RHOBTB3: variants seen among roughly 807,000 people sequenced by gnomAD.
RHOBTB3 encodes the protein rho-related BTB domain-containing protein 3.
In RHOBTB3, 47 loss-of-function variants were observed where a neutral mutation model predicts 67.2. That is an observed-to-expected ratio of 0.70 (90% confidence interval 0.55 to 0.89). The LOEUF (loss-of-function observed/expected upper bound fraction) is 0.89, where lower values mean the gene tolerates loss of function less well. Ranked by LOEUF, RHOBTB3 falls within the 40% of genes least tolerant of loss-of-function variation. RHOBTB3 has a pLI of 0.00. For synonymous variants in RHOBTB3, 273 were observed against 274.2 expected, an observed-to-expected ratio of 1.00 and a Z score of 0.04; for missense variants, 631 against 750.0, an observed-to-expected ratio of 0.84 and a Z score of 1.85.
intron 4 of RHOBTB3, among the ~76,000 whole-genome samples, chr5:95,750,289 C>T (rs1200837420): frequency 1.3e-5 from 2 of 152,168 alleles, no homozygotes; most frequent in Admixed American, 6.5e-5. Flanking sequence ...TCCATCTGTC[C>T]GTCCTCCAGT....
intron 4 of RHOBTB3, among the ~76,000 whole-genome samples, chr5:95,751,050 G>A (rs1204245293): frequency 6.6e-6 from 1 of 152,238 alleles, no homozygotes; most frequent in Admixed American, 6.5e-5. Context: ...ATTTAGGTGT[G>A]TGGTGGGTGG....
chr5:95,793,105 G>A lies in RHOBTB3; in HGVS notation c.1767G>A (p.Met589Ile), dbSNP rs1187505874. The A allele has an allele frequency of 6.2e-7, 1 of 1,613,558 alleles. No individual in the cohort carries two copies. Among genetic ancestry groups the A allele is most frequent in the Non-Finnish European group, 8.5e-7 (1 of 1,179,856 alleles). ...FVEKHRWPSN[M>I]YLKQLAEYRK... ...AAAAGCACAGATGGCCGTCGAATAT[G>A]TACTTGAAGCAGCTTGCGGAATACA... Residue 589 changes from methionine (M) to isoleucine (I), a missense_variant, in exon 12 of 12, where the codon ATG becomes ATA. Physicochemically the swap from Met to Ile is conservative, Grantham distance 10 (BLOSUM62 1). Transcript: ENST00000379982.
chr5:95,784,990 A>G (rs1278123914), intron 10 of RHOBTB3, among the ~76,000 whole-genome samples: 1 of 152,186 alleles, frequency 6.6e-6, no homozygotes, highest in Non-Finnish European at 1.5e-5. Flanking sequence ...TTGAACTATT[A>G]TCTGGCATCC....
intron 6 of RHOBTB3, among the ~76,000 whole-genome samples, chr5:95,756,498 C>A (rs148294190): frequency 6.6e-6 from 1 of 152,232 alleles, no homozygotes; most frequent in Non-Finnish European, 1.5e-5. Flanking sequence ...TGAGACTCTG[C>A]TTTTATTTTA....
In RHOBTB3 at chr5:95,794,470, T is replaced by C. The variant is rs1746512190; in HGVS notation, c.*1296T>C. On this transcript the variant is annotated 3_prime_UTR_variant, in exon 12 of 12. Coordinates refer to ENST00000379982, the MANE Select transcript of RHOBTB3 (RefSeq NM_014899.4). The stretch of plus-strand genomic sequence containing the variant: ...AATCTTGTGCTCTAATATTACACAG[T>C]AAGTTCAAAGAAAGGATGTAAGTCA... The C allele has an allele frequency of 1.9e-5, 3 of 159,180 alleles. No individual in the cohort carries two copies. Among genetic ancestry groups the C allele is most frequent in the Admixed American group, 1.8e-4 (3 of 16,816 alleles). 9.9% of individuals were successfully genotyped at this position (159,180 alleles called of 1,614,324 possible). A position where few individuals can be genotyped will look rare whatever the true frequency, so the allele number is the denominator to read the frequency against.
intron 8 of RHOBTB3, among the ~76,000 whole-genome samples, chr5:95,768,633 GT>G (rs1214136776): frequency 6.6e-6 from 1 of 152,106 alleles, no homozygotes; most frequent in Non-Finnish European, 1.5e-5. Context: ...AGGACTGAGG[GT>G]TATGCCTGGC....
At chr5:95,763,002 C>T (rs1745436366) in intron 6 of RHOBTB3, among the ~76,000 whole-genome samples, 1 of 152,172 alleles carries the variant, frequency 6.6e-6, no homozygotes, top group Non-Finnish European at 1.5e-5. Flanking sequence ...CTTCCTCAGG[C>T]TGGTTTTGTA....
Position 95,795,537 on chromosome 5 carries a change from G to C in RHOBTB3, c.*2363G>C, listed in dbSNP as rs1746542066. ...AACTAGACTATAGGTAGTTCCTTAA[G>C]GTTGTTTGACCTGAAGTGGAGTTGG... On this transcript the variant is annotated 3_prime_UTR_variant, in exon 12 of 12. Coordinates refer to ENST00000379982, the MANE Select transcript of RHOBTB3 (RefSeq NM_014899.4). 1 of 152,182 alleles carries C rather than the reference G, an allele frequency of 6.6e-6. No homozygotes were observed. 9.4% of individuals were successfully genotyped at this position (152,182 alleles called of 1,614,324 possible). A position where few individuals can be genotyped will look rare whatever the true frequency, so the allele number is the denominator to read the frequency against.
chr5:95,738,848 A>G (rs900820079), intron 3 of RHOBTB3, among the ~76,000 whole-genome samples: 1 of 152,194 alleles, frequency 6.6e-6, no homozygotes, highest in African/African-American at 2.4e-5. Context: ...GATAAGAGAT[A>G]ATAATACTTA....
chr5:95,762,178 C>T (rs1044035360), intron 6 of RHOBTB3, among the ~76,000 whole-genome samples: 2 of 152,152 alleles, frequency 1.3e-5, no homozygotes, highest in Admixed American at 6.5e-5. Context: ...ATGGCAAATG[C>T]TACATATCAT....
rs528939904 is a variant in RHOBTB3 at position 95,756,182 on chromosome 5, CT to C, written c.1048+422del. The stretch of plus-strand genomic sequence containing the variant: ...CCCCATTCCGACCTCTTTCCAGCCC[CT>C]GACAGCCACCATTCTACTTTCTGTC... On this transcript the variant is annotated intron_variant, in intron 6 of 11. Transcript: ENST00000379982. 3.8e-3 allele frequency: 613 copies of C among 159,320 alleles called. 5 individuals are homozygous for C. Among genetic ancestry groups the C allele is most frequent in the Non-Finnish European group, 4.6e-3 (331 of 72,348 alleles). The allele number at this position is 159,320 out of a possible 1,614,324, so 9.9% of individuals were successfully genotyped here.
At chr5:95,778,622 C>G (rs1044596288) in intron 8 of RHOBTB3, among the ~76,000 whole-genome samples, 2 of 152,186 alleles carry the variant, frequency 1.3e-5, no homozygotes, top group African/African-American at 2.4e-5. Context: ...TCTTAAATCC[C>G]TGTGCTTAAC....
At chr5:95,730,141 C>T (rs1216797664), upstream of RHOBTB3, among the ~76,000 whole-genome samples, 3 of 151,772 alleles carry the variant, frequency 2.0e-5, no homozygotes, top group African/African-American at 7.3e-5. Flanking sequence ...TCTCTGAGCA[C>T]GAGAAACTAT....
intron 5 of RHOBTB3, among the ~76,000 whole-genome samples, chr5:95,753,046 G>T (rs890749837): frequency 4.6e-5 from 7 of 152,020 alleles, no homozygotes; most frequent in Non-Finnish European, 8.8e-5. Context: ...GCAGGAGAAT[G>T]ACGTGAACCC....
In RHOBTB3 at chr5:95,792,767, G is replaced by A. The variant is rs562598414; in HGVS notation, c.1721-292G>A. On this transcript the variant is annotated intron_variant, in intron 11 of 11. Coordinates refer to ENST00000379982, the MANE Select transcript of RHOBTB3 (RefSeq NM_014899.4). ...AGATCACGCCACTGCACTCCAGCCTGGGCGACAGAATGAGACTCCATCTCA... is the reference window on the plus strand; with the variant it reads ...AGATCACGCCACTGCACTCCAGCCTAGGCGACAGAATGAGACTCCATCTCA... Among the ~76,000 whole-genome samples the A allele has an allele frequency of 4.6e-5, 7 of 150,546 alleles. No individual in the cohort carries two copies. The South Asian group carries it at 1.5e-3, about 32-fold the overall frequency.
intron 8 of RHOBTB3, among the ~76,000 whole-genome samples, chr5:95,771,041 A>G (rs1335401285): frequency 6.6e-6 from 1 of 152,236 alleles, no homozygotes; most frequent in Non-Finnish European, 1.5e-5. Context: ...ATGCTGTTAA[A>G]GTCAGGATTT....
intron 3 of RHOBTB3, among the ~76,000 whole-genome samples, chr5:95,738,704 A>G (rs1266287780): frequency 6.6e-6 from 1 of 152,156 alleles, no homozygotes; most frequent in Non-Finnish European, 1.5e-5. Context: ...ACTGTGAGAA[A>G]TAAATTTCTT....
At chr5:95,734,737 G>A (rs1642207646) in intron 2 of RHOBTB3, among the ~76,000 whole-genome samples, 1 of 152,116 alleles carries the variant, frequency 6.6e-6, no homozygotes, top group African/African-American at 2.4e-5. Flanking sequence ...AAGCAGTGAG[G>A]TAGTTTAATA....
At chr5:95,727,013 G>C (rs527330524), upstream of RHOBTB3, among the ~76,000 whole-genome samples, 170 of 151,556 alleles carry the variant, frequency 1.1e-3, no homozygotes, top group African/African-American at 4.1e-3. Context: ...AGTTTATTCT[G>C]GAATTTCAGG....
Sources: gnomAD v4.1 joint callset for allele counts (sites outside exome capture counted in the v4.1 genomes callset) on GRCh38, gnomAD v4.1.1 for gene constraint, MANE v1.5 for transcripts, NCBI Gene and HGNC (gene_info 2026-07-23, HGNC 2026-07-21) for gene names.